ABCB1: variants seen among roughly 807,000 people sequenced by gnomAD.
ABCB1 encodes ATP binding cassette subfamily B member 1.
ABCB1 carries 69 observed loss-of-function variants against 142.0 expected under a neutral mutation model. The observed-to-expected ratio is 0.49, with a 90% confidence interval of 0.40 to 0.59. The LOEUF is 0.59. ABCB1 is among the 20% of genes least tolerant of loss of function. The pLI is 0.00. For synonymous variants in ABCB1, 532 were observed against 539.2 expected, an observed-to-expected ratio of 0.99 and a Z score of 0.18; for missense variants, 1,326 against 1,554.7, an observed-to-expected ratio of 0.85 and a Z score of 2.47.
At chr7:87,628,584 C>CGT (rs71117546) in intron 1 of ABCB1, 7,670 of 290,030 alleles carry the variant, frequency 0.026, 79 homozygotes, top group Admixed American at 0.038. Flanking sequence ...TGCGTGCGTG[C>CGT]GTGTGTGTGT....
rs201443178 is a variant in ABCB1, at chr7:87,503,762, G to A, written c.*481C>T. 4 of 200,812 alleles carry A rather than the reference G, an allele frequency of 2.0e-5. No individual in the cohort carries two copies. Among genetic ancestry groups the A allele is most frequent in the South Asian group, 8.7e-5 (1 of 11,478 alleles). The allele number at this position is 200,812 out of a possible 1,614,324, so 12.4% of individuals were successfully genotyped here. On this transcript the variant is annotated 3_prime_UTR_variant, in exon 28 of 28. Coordinates refer to ENST00000622132, the MANE Select transcript of ABCB1 (RefSeq NM_001348946.2). ...TGCTTAACCATTCCCACAAAAATGAGTAGGTATATTTAAAGAAAACTTTTT... is the reference window on the plus strand; with the variant it reads ...TGCTTAACCATTCCCACAAAAATGAATAGGTATATTTAAAGAAAACTTTTT...
intron 1 of ABCB1, among the ~76,000 whole-genome samples, chr7:87,631,250 A>G (rs1448736308): frequency 3.3e-5 from 5 of 152,240 alleles, no homozygotes; most frequent in Non-Finnish European, 7.3e-5. Context: ...ACTATAGGCC[A>G]TTTGTACATT....
intron 1 of ABCB1, among the ~76,000 whole-genome samples, chr7:87,675,789 T>A (rs1314756139): frequency 6.6e-6 from 1 of 151,534 alleles, no homozygotes; most frequent in East Asian, 1.9e-4. Context: ...ACATAAGACC[T>A]GAAACTGTAA....
chr7:87,611,972 T>C (rs908576283), intron 1 of ABCB1, among the ~76,000 whole-genome samples: 1 of 152,140 alleles, frequency 6.6e-6, no homozygotes, highest in Non-Finnish European at 1.5e-5. Flanking sequence ...GAGCTTCTAA[T>C]ACACTTGAGG....
intron 8 of ABCB1, among the ~76,000 whole-genome samples, chr7:87,561,050 C>A (rs1817544154): frequency 6.6e-6 from 1 of 152,054 alleles, no homozygotes; most frequent in Non-Finnish European, 1.5e-5. Flanking sequence ...TGTTATTGCC[C>A]ATCTAGAAAA....
intron 1 of ABCB1, among the ~76,000 whole-genome samples, chr7:87,656,068 T>C (rs746839570): frequency 2.6e-5 from 4 of 152,198 alleles, no homozygotes; most frequent in East Asian, 1.9e-4. Context: ...TCTAGAACTA[T>C]GAGAAATAAA....
chr7:87,622,292 C>T (rs532777743), intron 1 of ABCB1, among the ~76,000 whole-genome samples: 24 of 151,882 alleles, frequency 1.6e-4, no homozygotes, highest in Admixed American at 8.5e-4. Flanking sequence ...AGGGCATGAA[C>T]GGGCAAAACA....
intron 1 of ABCB1, among the ~76,000 whole-genome samples, chr7:87,645,228 A>G (rs1474123651): frequency 6.6e-6 from 1 of 151,850 alleles, no homozygotes; most frequent in Non-Finnish European, 1.5e-5. Flanking sequence ...GATTACAGGC[A>G]TGTGCCACCA....
At chr7:87,682,203 C>T (rs996642657) in intron 1 of ABCB1, among the ~76,000 whole-genome samples, 7 of 152,296 alleles carry the variant, frequency 4.6e-5, no homozygotes, top group African/African-American at 9.6e-5. Flanking sequence ...AGTTCTCTTG[C>T]GATTTCCATG....
intron 25 of ABCB1, among the ~76,000 whole-genome samples, chr7:87,513,119 C>T (rs946820608): frequency 6.6e-6 from 1 of 152,162 alleles, no homozygotes; most frequent in Admixed American, 6.5e-5. Context: ...CTGCAACAGC[C>T]AGATTCTAGT....
chr7:87,700,869 A>G (rs1005883139), intron 1 of ABCB1, among the ~76,000 whole-genome samples: 2 of 152,216 alleles, frequency 1.3e-5, no homozygotes, highest in African/African-American at 4.8e-5. Flanking sequence ...TGCAGACACA[A>G]TGGTGGATAA....
intron 5 of ABCB1, among the ~76,000 whole-genome samples, chr7:87,568,267 A>AATAATAATAATAATAATAAT (rs775493469): frequency 7.5e-4 from 75 of 100,408 alleles, no homozygotes; most frequent in Middle Eastern, 5.0e-3. Context: ...TAATAATAAT[A>AATAATAATAATAATAATAAT]AAAATTAGCC....
chr7:87,700,852 CT>C, intron 1 of ABCB1, among the ~76,000 whole-genome samples: 1 of 152,166 alleles, frequency 6.6e-6, no homozygotes, highest in Non-Finnish European at 1.5e-5. Flanking sequence ...GATATTTGCA[CT>C]GCCAATGCAG....
At chr7:87,509,217 C>G in intron 26 of ABCB1, 58 bp downstream of exon 26, 3 of 1,572,124 alleles carry the variant, frequency 1.9e-6, no homozygotes, top group Non-Finnish European at 2.6e-6. Flanking sequence ...ATAAATCAAA[C>G]TATAGGCCAG....
intron 7 of ABCB1, among the ~76,000 whole-genome samples, chr7:87,565,168 A>C (rs189300139): frequency 2.6e-5 from 4 of 152,376 alleles, no homozygotes; most frequent in Non-Finnish European, 5.9e-5. Context: ...AATAATATCC[A>C]TTATACAGGT....
intron 1 of ABCB1, among the ~76,000 whole-genome samples, chr7:87,692,295 A>C (rs929901806): frequency 4.6e-5 from 7 of 152,150 alleles, no homozygotes; most frequent in Non-Finnish European, 1.0e-4. Flanking sequence ...TACAAAAAAA[A>C]CACATAAAAA....
chr7:87,705,089 T>A (rs1829468554), intron 1 of ABCB1, among the ~76,000 whole-genome samples: 1 of 152,198 alleles, frequency 6.6e-6, no homozygotes, highest in Non-Finnish European at 1.5e-5. Flanking sequence ...ATTCATATTG[T>A]AGAAGCTTGT....
rs1815401989 is a variant in ABCB1, at chr7:87,519,577, T to G, written c.2787-111A>C. 3.0e-6 allele frequency: 4 copies of G among 1,321,174 alleles called. No individual in the cohort carries two copies. In the Middle Eastern group the frequency reaches 5.7e-4, roughly 188 times the overall value. 81.8% of individuals were successfully genotyped at this position (1,321,174 alleles called of 1,614,324 possible). On this transcript the variant is annotated intron_variant, in intron 22 of 27. Transcript: ENST00000622132. Reference sequence around the variant, plus strand: ...AGAGGCATGACCAACAAAAATGGGTTTCGTTTCCAAAGAACTAAGTTTGGT... The same window carrying G: ...AGAGGCATGACCAACAAAAATGGGTGTCGTTTCCAAAGAACTAAGTTTGGT...
intron 21 of ABCB1, among the ~76,000 whole-genome samples, chr7:87,523,107 C>A (rs538454058): frequency 2.0e-5 from 3 of 149,010 alleles, no homozygotes; most frequent in Non-Finnish European, 4.5e-5. Context: ...AGAAAACTAA[C>A]TTTTTTTTTT....
Sources: gnomAD v4.1 joint callset for allele counts (sites outside exome capture counted in the v4.1 genomes callset) on GRCh38, gnomAD v4.1.1 for gene constraint, MANE v1.5 for transcripts, NCBI Gene and HGNC (gene_info 2026-07-23, HGNC 2026-07-21) for gene names.